TK1: variants seen among roughly 807,000 people sequenced by gnomAD.
TK1 encodes thymidine kinase 1.
Under a neutral mutation model 22.4 loss-of-function variants are expected in TK1, and 13 were observed. The ratio of observed to expected loss-of-function variants is 0.58; its 90% CI spans 0.38 to 0.92. The LOEUF (loss-of-function observed/expected upper bound fraction) is 0.92. TK1 is among the 40% of genes least tolerant of loss of function. TK1 has a pLI of 0.00. For synonymous variants in TK1, 134 were observed against 125.4 expected, an observed-to-expected ratio of 1.07 and a Z score of -0.46; for missense variants, 251 against 315.7, an observed-to-expected ratio of 0.80 and a Z score of 1.55.
chr17:78,186,478 A>G (rs951698424), intron 2 of TK1, among the ~76,000 whole-genome samples: 3 of 152,006 alleles, frequency 2.0e-5, no homozygotes, highest in Admixed American at 1.3e-4. Flanking sequence ...CCACCTTCTC[A>G]GAGGACTTGG....
At chr17:78,187,154 G>A (rs756800876), upstream of TK1, 3 of 958,552 alleles carry the variant, frequency 3.1e-6, no homozygotes, top group Non-Finnish European at 4.9e-6. Flanking sequence ...TGACCTGGCG[G>A]GAGATTTGGC....
At chr17:78,182,292 C>T (rs2075742994) in intron 4 of TK1, among the ~76,000 whole-genome samples, 1 of 150,692 alleles carries the variant, frequency 6.6e-6, no homozygotes, top group African/African-American at 2.4e-5. Context: ...GAGAGAATTG[C>T]TTGAACCCAG....
rs150176730 is a variant in TK1, at chr17:78,174,668, C to T, written c.*91G>A. 103 of 1,428,378 alleles carry T rather than the reference C, an allele frequency of 7.2e-5. No individual in the cohort carries two copies. The African/African-American group carries it at 1.1e-3, about 16-fold the overall frequency. The allele number at this position is 1,428,378 out of a possible 1,614,324, so 88.5% of individuals were successfully genotyped here. On this transcript the variant is annotated 3_prime_UTR_variant, in exon 7 of 7. Coordinates refer to ENST00000301634, the MANE Select transcript of TK1 (RefSeq NM_003258.5). ...AGGTGTGGTCACCCTCCACGCCTCC[C>T]GACTTCCTCCTGGAGTGGCTGGGCA...
intron 2 of TK1, among the ~76,000 whole-genome samples, chr17:78,186,223 C>T (rs1484279649): frequency 6.6e-6 from 1 of 151,998 alleles, no homozygotes; most frequent in African/African-American, 2.4e-5. Flanking sequence ...GGCAACATAG[C>T]AAGATCCTAC....
At chr17:78,187,142 G>A (rs2075815363), upstream of TK1, 2 of 992,904 alleles carry the variant, frequency 2.0e-6, no homozygotes, top group Non-Finnish European at 3.1e-6. Flanking sequence ...GCGCCCGGCC[G>A]CTGACCTGGC....
intron 5 of TK1, 105 bp from the exon 6 acceptor site, chr17:78,175,274 G>T: frequency 7.1e-7 from 1 of 1,405,534 alleles, no homozygotes; most frequent in South Asian, 1.4e-5. Flanking sequence ...AGTTTGCTCT[G>T]ACCTTAGTCC....
rs1467157334 is a variant in TK1 at position 78,174,933 on chromosome 17, T to A, written c.531A>T (p.Gly177=). The A allele has an allele frequency of 1.9e-6, 3 of 1,613,290 alleles. No individual in the cohort carries two copies. In the Admixed American group the frequency reaches 5.0e-5, roughly 27 times the overall value. Residue 177 remains glycine, a synonymous_variant, in exon 7 of 7, where the codon GGA becomes GGT. Coordinates refer to ENST00000301634, the MANE Select transcript of TK1 (RefSeq NM_003258.5). ...GACACACGGAGTGGTACTTGTCTGC[T>A]CCCCCAATCACCTCGACCTGGCCGC... The part of the protein sequence containing the change: ...GTEKEVEVIG[G]ADKYHSVCRL...
chr17:78,177,758 TAG>T (rs1199991037), intron 4 of TK1, among the ~76,000 whole-genome samples: 1 of 151,898 alleles, frequency 6.6e-6, no homozygotes, highest in African/African-American at 2.4e-5. Flanking sequence ...GTATTTTCAG[TAG>T]AGACGGGGTT....
Position 78,186,928 on chromosome 17 carries a change from C to A in TK1, c.66+1G>T. ...GCCACGCGCAGGGCTGGCCCCCGCA[C>A]CTGGATCTGCCCCCGGGTCTTGCTG... is the stretch of plus-strand genomic sequence containing the variant. On this transcript the variant is annotated splice_donor_variant, in intron 1 of 6. Coordinates refer to ENST00000301634, the MANE Select transcript of TK1 (RefSeq NM_003258.5). LOFTEE classifies it high-confidence loss of function. 6.4e-7 allele frequency: 1 copy of A among 1,568,792 alleles called. No homozygotes were observed. The highest frequency in any genetic ancestry group is 8.6e-7 in the Non-Finnish European group (1 of 1,157,236).
intron 4 of TK1, among the ~76,000 whole-genome samples, chr17:78,182,307 C>A (rs1030332641): frequency 8.3e-5 from 12 of 144,344 alleles, no homozygotes; most frequent in Non-Finnish European, 1.5e-4. Context: ...ACCCAGGAAG[C>A]AAAGTTTGCG....
chr17:78,182,371 C>CAA (rs560357822), intron 4 of TK1, among the ~76,000 whole-genome samples: 9 of 82,230 alleles, frequency 1.1e-4, no homozygotes, highest in Middle Eastern at 7.4e-3. Flanking sequence ...AACTCCGTCT[C>CAA]AAAAAAAAAA....
Position 78,186,807 on chromosome 17 carries a change from C to T in TK1, c.78G>A (p.Gly26=). The T allele has an allele frequency of 1.3e-6, 2 of 1,585,872 alleles. No individual in the cohort carries two copies. The highest frequency in any genetic ancestry group is 8.6e-7 in the Non-Finnish European group (1 of 1,166,410). The change falls in exon 2 of 7, where the codon GGG becomes GGA. Residue 26 remains glycine, a synonymous_variant. Coordinates refer to ENST00000301634, the MANE Select transcript of TK1 (RefSeq NM_003258.5). Reference sequence around the variant, plus strand: ...ATTACCTTTTTCCTGAGAACATCGGCCCGAGAATCACCTAGGAGAGAAGGT... The same window carrying T: ...ATTACCTTTTTCCTGAGAACATCGGTCCGAGAATCACCTAGGAGAGAAGGT... ...KTRGQIQVIL[G]PMFSGKSTEL...
intron 4 of TK1, chr17:78,179,276 A>G (rs1326010701): frequency 6.1e-6 from 6 of 985,440 alleles, no homozygotes; most frequent in Non-Finnish European, 6.0e-6. Context: ...TTCTGAGGCC[A>G]CAGTTTGGGA....
At chr17:78,177,083 G>T (rs1328433992) in intron 4 of TK1, among the ~76,000 whole-genome samples, 1 of 152,168 alleles carries the variant, frequency 6.6e-6, no homozygotes, top group Non-Finnish European at 1.5e-5. Context: ...TAGTCAAAGA[G>T]CTTGGTTCTT....
intron 2 of TK1, among the ~76,000 whole-genome samples, chr17:78,185,375 A>G (rs550555211): frequency 3.3e-5 from 5 of 152,242 alleles, no homozygotes; most frequent in Admixed American, 1.3e-4. Flanking sequence ...GAGGTCCAGG[A>G]ATGGTACTCA....
intron 4 of TK1, among the ~76,000 whole-genome samples, chr17:78,175,876 A>C (rs566752139): frequency 1.2e-4 from 19 of 152,302 alleles, no homozygotes; most frequent in African/African-American, 4.6e-4. Context: ...CCCAGGACTC[A>C]GCACCGGACT....
rs1376979048 is a variant in TK1, at chr17:78,174,780, C to T, written c.684G>A (p.Leu228=). The change falls in exon 7 of 7, where the codon CTG becomes CTA. Residue 228 remains leucine, a synonymous_variant. Transcript: ENST00000301634. ...ARKLFAPQQI[L]QCSPAN is the part of the protein sequence containing the mutation. ...TCCCTCAGTTGGCAGGGCTGCATTG[C>T]AGAATCTGCTGTGGGGCAAAGAGCT... 1 of 1,609,676 alleles carries T rather than the reference C, an allele frequency of 6.2e-7. No homozygotes were observed. Among genetic ancestry groups the T allele is most frequent in the Non-Finnish European group, 8.5e-7 (1 of 1,178,164 alleles).
chr17:78,175,786 C>T (rs901692138), intron 4 of TK1, among the ~76,000 whole-genome samples, 168 bp from the exon 5 acceptor site: 5 of 152,148 alleles, frequency 3.3e-5, no homozygotes, highest in African/African-American at 4.8e-5. Flanking sequence ...TCCACCCGCA[C>T]GCCCCCCAGC....
At position 78,174,617 on chromosome 17, in the gene TK1, C is replaced by T; in HGVS notation, c.*142G>A. 1.1e-6 allele frequency: 1 copy of T among 950,666 alleles called. No homozygotes were observed. Among genetic ancestry groups the T allele is most frequent in the East Asian group, 2.7e-5 (1 of 37,508 alleles). The allele number at this position is 950,666 out of a possible 1,614,324, so 58.9% of individuals were successfully genotyped here. On this transcript the variant is annotated 3_prime_UTR_variant, in exon 7 of 7. Transcript: ENST00000301634. ...GAGCATGCGGCAGGTGGGGCAGCCA[C>T]ACAAAGGAGAGTTCCCAGAAGGCCA...
Sources: gnomAD v4.1 joint callset for allele counts (sites outside exome capture counted in the v4.1 genomes callset) on GRCh38, gnomAD v4.1.1 for gene constraint, MANE v1.5 for transcripts, NCBI Gene and HGNC (gene_info 2026-07-23, HGNC 2026-07-21) for gene names.